The following DLC1 variants were observed in gnomAD, a reference collection of about 807,000 sequenced individuals.
DLC1 encodes the protein rho GTPase-activating protein 7.
In DLC1, 54 loss-of-function variants were observed where a neutral mutation model predicts 140.3. The observed-to-expected ratio is 0.38, with a 90% CI of 0.31 to 0.48. The LOEUF is 0.48. DLC1 is among the 20% of genes least tolerant of loss of function. The probability of loss-of-function intolerance (pLI) is 0.96; values close to 1 mark genes in which losing one functional copy is unlikely to be tolerated. For synonymous variants in DLC1, 986 were observed against 728.1 expected (o/e 1.35, Z -5.70); for missense variants, 2,536 against 1,907.0 (o/e 1.33, Z -6.14).
intron 5 of DLC1, among the ~76,000 whole-genome samples, chr8:13,247,270 AT>A (rs1829803369): frequency 6.6e-6 from 1 of 152,304 alleles, no homozygotes; most frequent in South Asian, 2.1e-4. Context: ...TGCTTGTGCA[AT>A]TTGGCACAGT....
chr8:13,507,520 G>A (rs1802151319), intron 1 of DLC1, among the ~76,000 whole-genome samples: 1 of 152,144 alleles, frequency 6.6e-6, no homozygotes, highest in African/African-American at 2.4e-5. Context: ...ATAACATGAT[G>A]CAAGAATTTA....
intron 1 of DLC1, among the ~76,000 whole-genome samples, chr8:13,539,654 G>A (rs1231897185): frequency 6.6e-6 from 1 of 152,034 alleles, no homozygotes; most frequent in Non-Finnish European, 1.5e-5. Flanking sequence ...CAGGGAAAGT[G>A]TTTCTGGTTA....
chr8:13,476,388 AT>A (rs1478935164), intron 2 of DLC1, among the ~76,000 whole-genome samples: 8 of 151,970 alleles, frequency 5.3e-5, no homozygotes, highest in Non-Finnish European at 1.0e-4. Context: ...TTCGAACATA[AT>A]TTTCTTATGC....
intron 1 of DLC1, among the ~76,000 whole-genome samples, chr8:13,556,166 C>G (rs1804038557): frequency 6.6e-6 from 1 of 152,108 alleles, no homozygotes; most frequent in Non-Finnish European, 1.5e-5. Context: ...GTATAAGGAG[C>G]TCAGACAACT....
intron 5 of DLC1, among the ~76,000 whole-genome samples, chr8:13,170,726 T>A (rs1472209022): frequency 1.7e-5 from 2 of 114,726 alleles, no homozygotes; most frequent in Non-Finnish European, 3.5e-5. Context: ...CAAGACTCCA[T>A]CTCAAAAAAA....
intron 2 of DLC1, among the ~76,000 whole-genome samples, chr8:13,424,805 C>T (rs1170685007): frequency 2.0e-5 from 3 of 152,028 alleles, no homozygotes; most frequent in Non-Finnish European, 4.4e-5. Context: ...GGTCTCCTGA[C>T]CTCGAGATCT....
intron 5 of DLC1, among the ~76,000 whole-genome samples, chr8:13,144,584 T>C (rs1206413963): frequency 6.6e-6 from 1 of 151,832 alleles, no homozygotes; most frequent in Non-Finnish European, 1.5e-5. Flanking sequence ...GCTAACACAG[T>C]GAAATCCCGC....
At chr8:13,221,462 C>T (rs972263212) in intron 5 of DLC1, among the ~76,000 whole-genome samples, 1 of 151,598 alleles carries the variant, frequency 6.6e-6, no homozygotes. Context: ...CTTCCAACTC[C>T]TGGGTTCAAG....
intron 2 of DLC1, among the ~76,000 whole-genome samples, chr8:13,465,606 A>AAGG (rs1307271417): frequency 1.3e-5 from 2 of 151,844 alleles, no homozygotes; most frequent in African/African-American, 2.4e-5. Context: ...TATTGTTTTA[A>AAGG]AGGACATTCT....
intron 4 of DLC1, among the ~76,000 whole-genome samples, chr8:13,315,246 C>G (rs1482799535): frequency 6.6e-6 from 1 of 152,250 alleles, no homozygotes; most frequent in East Asian, 1.9e-4. Context: ...GAGACCCTGT[C>G]TCCACATACA....
intron 1 of DLC1, among the ~76,000 whole-genome samples, chr8:13,543,744 G>C (rs183835963): frequency 2.0e-5 from 3 of 152,284 alleles, no homozygotes; most frequent in Admixed American, 1.3e-4. Flanking sequence ...TTCAGGAATG[G>C]AAAATCAAAT....
chr8:13,509,538 G>C (rs1802261702), intron 1 of DLC1, among the ~76,000 whole-genome samples: 1 of 152,068 alleles, frequency 6.6e-6, no homozygotes, highest in African/African-American at 2.4e-5. Context: ...AATATTAAGT[G>C]CATTAGAAAC....
At chr8:13,568,036 G>C in intron 1 of DLC1, 1 of 1,364,778 alleles carries the variant, frequency 7.3e-7, no homozygotes, top group Non-Finnish European at 9.8e-7. Flanking sequence ...ACTTTACTAT[G>C]CTTCCTTCAC....
At position 13,147,795 on chromosome 8, in the gene DLC1, C is replaced by G. The variant is rs75499090; in HGVS notation, c.1349-32138G>C. Among the ~76,000 whole-genome samples, 73 of 152,226 alleles carry G rather than the reference C, an allele frequency of 4.8e-4. No individual in the cohort carries two copies. In the East Asian group the frequency reaches 0.013, roughly 27 times the overall value. Reference sequence around the variant, plus strand: ...ATGAGGTCAAGAGATTGAGACCATCCTGGCCAACATGGTGAAACCCCGTCT... The same window carrying G: ...ATGAGGTCAAGAGATTGAGACCATCGTGGCCAACATGGTGAAACCCCGTCT... On this transcript the variant is annotated intron_variant, in intron 5 of 17. Coordinates refer to ENST00000276297, the MANE Select transcript of DLC1 (RefSeq NM_182643.3).
At chr8:13,598,296 T>G (rs1805748572) in intron 1 of DLC1, among the ~76,000 whole-genome samples, 1 of 152,156 alleles carries the variant, frequency 6.6e-6, no homozygotes, top group South Asian at 2.1e-4. Context: ...AGCCAGAGGC[T>G]TCTCTAGGGT....
chr8:13,340,917 T>A (rs1834012518), intron 4 of DLC1: 1 of 152,260 alleles, frequency 6.6e-6, no homozygotes, highest in African/African-American at 2.4e-5. Context: ...AGGGAATTAT[T>A]CCTATTTCTT....
chr8:13,416,643 G>A (rs935307920), intron 2 of DLC1, among the ~76,000 whole-genome samples: 1 of 152,080 alleles, frequency 6.6e-6, no homozygotes, highest in Non-Finnish European at 1.5e-5. Context: ...CTAACAAATA[G>A]GAAAATGTTC....
At chr8:13,277,562 T>C (rs1486512939) in intron 5 of DLC1, among the ~76,000 whole-genome samples, 1 of 152,198 alleles carries the variant, frequency 6.6e-6, no homozygotes, top group Non-Finnish European at 1.5e-5. Context: ...CCAAGCACTA[T>C]GAAATCAAAA....
At chr8:13,098,292 A>G in intron 10 of DLC1, 107 bp downstream of exon 10, 1 of 1,337,752 alleles carries the variant, frequency 7.5e-7, no homozygotes, top group Non-Finnish European at 1.0e-6. Flanking sequence ...CAGATGAAAT[A>G]TATTAATAAA....
Sources: gnomAD v4.1 joint callset for allele counts (sites outside exome capture counted in the v4.1 genomes callset) on GRCh38, gnomAD v4.1.1 for gene constraint, MANE v1.5 for transcripts, NCBI Gene and HGNC (gene_info 2026-07-23, HGNC 2026-07-21) for gene names.